The following ATP2B2 variants were observed in gnomAD, a reference collection of about 807,000 sequenced individuals.
The protein encoded by ATP2B2 is plasma membrane calcium-transporting ATPase 2.
A neutral mutation model predicts 120.0 loss-of-function variants in ATP2B2; 15 were observed. The observed-to-expected ratio is 0.12, with a 90% CI of 0.08 to 0.19. ATP2B2 has a LOEUF of 0.19. Among genes scored for constraint, ATP2B2 ranks in the 10% least tolerant of loss-of-function variants. ATP2B2 has a pLI of 1.00. For missense variants in ATP2B2, 1,045 were observed against 1,719.8 expected (o/e 0.61, Z 6.94); for synonymous variants, 694 against 700.3 (o/e 0.99, Z 0.14).
chr3:10,696,878 A>T (rs1334914274), intron 1 of ATP2B2, among the ~76,000 whole-genome samples: 1 of 152,272 alleles, frequency 6.6e-6, no homozygotes, highest in African/African-American at 2.4e-5. Flanking sequence ...AGGAGTCGCC[A>T]TTAGGTCTGG....
chr3:10,579,614 G>C (rs879876719), intron 2 of ATP2B2, among the ~76,000 whole-genome samples: 1 of 152,322 alleles, frequency 6.6e-6, no homozygotes, highest in East Asian at 1.9e-4. Context: ...TTCGAGACCA[G>C]CCTGGCCAAA....
chr3:10,492,213 G>C (rs1456503150), intron 1 of ATP2B2, among the ~76,000 whole-genome samples: 1 of 151,896 alleles, frequency 6.6e-6, no homozygotes, highest in Non-Finnish European at 1.5e-5. Context: ...CTTCTCCGGG[G>C]TGCTCTGCTG....
chr3:10,358,404 G>A (rs1476477975), intron 14 of ATP2B2, among the ~76,000 whole-genome samples: 1 of 152,226 alleles, frequency 6.6e-6, no homozygotes, highest in East Asian at 1.9e-4. Context: ...GGACCAGAGG[G>A]AAGAGCTCAT....
chr3:10,639,069 G>A (rs899753246), intron 1 of ATP2B2, among the ~76,000 whole-genome samples: 2 of 152,124 alleles, frequency 1.3e-5, no homozygotes, highest in Non-Finnish European at 2.9e-5. Flanking sequence ...TGGGGTAAAC[G>A]TTTGCAACTT....
intron 22 of ATP2B2, among the ~76,000 whole-genome samples, chr3:10,332,634 G>A (rs1347720117): frequency 3.3e-5 from 5 of 152,138 alleles, no homozygotes; most frequent in South Asian, 2.1e-4. Context: ...GGCTGTGGGC[G>A]TGGGCACTGG....
intron 12 of ATP2B2, among the ~76,000 whole-genome samples, chr3:10,361,133 C>G (rs1267789511): frequency 1.3e-5 from 2 of 152,224 alleles, no homozygotes; most frequent in Non-Finnish European, 2.9e-5. Context: ...ATGGGACAGA[C>G]AGACTGTCCC....
intron 2 of ATP2B2, among the ~76,000 whole-genome samples, chr3:10,595,727 CT>C (rs2068750401): frequency 6.6e-6 from 1 of 152,196 alleles, no homozygotes; most frequent in African/African-American, 2.4e-5. Context: ...TGAGAGCCAC[CT>C]GTAAATATGA....
intron 1 of ATP2B2, among the ~76,000 whole-genome samples, chr3:10,495,515 C>G (rs570924139): frequency 6.6e-6 from 1 of 152,326 alleles, no homozygotes; most frequent in Non-Finnish European, 1.5e-5. Flanking sequence ...GCTCGCTAAA[C>G]GAGAGCTGTC....
intron 1 of ATP2B2, among the ~76,000 whole-genome samples, chr3:10,477,348 C>G (rs1449307949): frequency 6.6e-6 from 1 of 152,212 alleles, no homozygotes; most frequent in Non-Finnish European, 1.5e-5. Context: ...TATGAGCATT[C>G]TCAATTTAAT....
intron 2 of ATP2B2, among the ~76,000 whole-genome samples, chr3:10,564,577 C>G (rs2067971505): frequency 6.6e-6 from 1 of 152,170 alleles, no homozygotes; most frequent in African/African-American, 2.4e-5. Context: ...GTGTGTATGA[C>G]TTTTCATTTT....
chr3:10,594,138 C>T (rs2068707400), intron 2 of ATP2B2, among the ~76,000 whole-genome samples: 2 of 152,272 alleles, frequency 1.3e-5, no homozygotes, highest in South Asian at 2.1e-4. Context: ...ACTGGTTCAA[C>T]CATTGTGGAA....
intron 12 of ATP2B2, among the ~76,000 whole-genome samples, chr3:10,367,680 G>A (rs764972420): frequency 6.6e-6 from 1 of 152,146 alleles, no homozygotes; most frequent in Admixed American, 6.5e-5. Flanking sequence ...CTGGGCTTGG[G>A]ATTGTACAGA....
chr3:10,647,785 T>C (rs997255528), intron 1 of ATP2B2, among the ~76,000 whole-genome samples: 2 of 151,968 alleles, frequency 1.3e-5, no homozygotes, highest in Non-Finnish European at 2.9e-5. Flanking sequence ...AAGAAGTTGA[T>C]GGTGATGAAT....
chr3:10,663,540 C>T (rs2070844706), intron 1 of ATP2B2, among the ~76,000 whole-genome samples: 1 of 152,174 alleles, frequency 6.6e-6, no homozygotes, highest in Admixed American at 6.5e-5. Context: ...CCACCAGTCA[C>T]TTCCTAAGGG....
At position 10,340,464 on chromosome 3, in the gene ATP2B2, G is replaced by A. The variant is rs154242; in HGVS notation, c.3129+29C>T. The A allele has an allele frequency of 0.62, 993,432 of 1,613,830 alleles. 311,506 individuals are homozygous for A. Among genetic ancestry groups the A allele is most frequent in the East Asian group, 0.9 (40,323 of 44,868 alleles). ...GCTCCAGCCGCTTGCTGCCCACCCC[G>A]GGCCTGGTTAGGGTGGGGGCCTCAC... On this transcript the variant is annotated intron_variant, in intron 20 of 22. Coordinates refer to ENST00000360273, the MANE Select transcript of ATP2B2 (RefSeq NM_001001331.4). The surrounding 1 kb of genome is among the most constrained non-coding windows in gnomAD (Gnocchi z 5.0).
rs148617070 is a variant in ATP2B2, at chr3:10,568,201, C to T, written c.-414-34068G>A. Among the ~76,000 whole-genome samples, 237 of 152,282 alleles carry T rather than the reference C, an allele frequency of 1.6e-3. 3 individuals carry two copies. Among genetic ancestry groups the T allele is most frequent in the African/African-American group, 5.5e-3 (229 of 41,554 alleles). On this transcript the variant is annotated intron_variant, in intron 2 of 21. Coordinates refer to the ATP2B2 transcript ENST00000646379. ...GGCTGCTGCCACACCAAGGACAGCT[C>T]GCTTACCTCTGCCGGCCACAAAGGA...
chr3:10,351,369 G>A (rs1404319800), intron 14 of ATP2B2, among the ~76,000 whole-genome samples: 1 of 152,158 alleles, frequency 6.6e-6, no homozygotes, highest in Non-Finnish European at 1.5e-5. Context: ...TCTTACCCGA[G>A]GGCAGTGACA....
Position 10,355,846 on chromosome 3 carries a change from G to T in ATP2B2, c.2136+2845C>A, listed in dbSNP as rs1295017650. Among the ~76,000 whole-genome samples, 10 of 55,596 alleles carry T rather than the reference G, an allele frequency of 1.8e-4. 2 individuals carry two copies. Among genetic ancestry groups the T allele is most frequent in the African/African-American group, 5.3e-4 (8 of 15,082 alleles). The allele number at this position is 55,596 out of a possible 152,430, so 36.5% of individuals were successfully genotyped here. A position where few individuals can be genotyped will look rare whatever the true frequency, so the allele number is the denominator to read the frequency against. ...CCCAGCACTTTGGGAGGCCGAGGCG[G>T]GCGGATCACGAGGTCAGGAGATCGA... On this transcript the variant is annotated intron_variant, in intron 14 of 22. Coordinates refer to ENST00000360273, the MANE Select transcript of ATP2B2 (RefSeq NM_001001331.4).
chr3:10,638,587 A>C (rs752728568), intron 1 of ATP2B2, among the ~76,000 whole-genome samples: 2 of 152,274 alleles, frequency 1.3e-5, no homozygotes, highest in African/African-American at 2.4e-5. Flanking sequence ...ACAAATAGCA[A>C]GATGATAGAT....
Sources: allele counts gnomAD v4.1 joint callset (sites outside exome capture counted in the v4.1 genomes callset), GRCh38; gene constraint gnomAD v4.1.1; non-coding constraint Gnocchi (gnomAD v3.1); transcripts MANE v1.5; gene names NCBI Gene and HGNC (gene_info 2026-07-23, HGNC 2026-07-21).